Variants in SH3GL2 observed in about 807,000 individuals in gnomAD.
SH3GL2 encodes the protein SH3 domain containing GRB2 like 2, endophilin A1.
Under a neutral mutation model 46.0 loss-of-function variants are expected in SH3GL2, and 24 were observed. The ratio of observed to expected loss-of-function variants is 0.52; its 90% confidence interval spans 0.38 to 0.73. The LOEUF (loss-of-function observed/expected upper bound fraction) is 0.73. Among genes scored for constraint, SH3GL2 ranks in the 30% least tolerant of loss-of-function variants. SH3GL2 has a pLI of 0.00. For synonymous variants in SH3GL2, 196 were observed against 147.1 expected (o/e 1.33, Z -2.40); for missense variants, 413 against 424.2 (o/e 0.97, Z 0.23).
At chr9:17,793,914 G>A (rs1345062729) in intron 8 of SH3GL2, among the ~76,000 whole-genome samples, 1 of 152,202 alleles carries the variant, frequency 6.6e-6, no homozygotes, top group African/African-American at 2.4e-5. Flanking sequence ...ACATGCATTC[G>A]CATATAACCC....
intron 1 of SH3GL2, among the ~76,000 whole-genome samples, chr9:17,622,259 C>G (rs754698609): frequency 6.6e-6 from 1 of 152,132 alleles, no homozygotes; most frequent in Non-Finnish European, 1.5e-5. Context: ...TGCTTCATCC[C>G]GTAATCCCCC....
At chr9:17,776,451 G>A (rs1823642641) in intron 3 of SH3GL2, among the ~76,000 whole-genome samples, 1 of 151,942 alleles carries the variant, frequency 6.6e-6, no homozygotes, top group South Asian at 2.1e-4. Flanking sequence ...AGAATCTCAG[G>A]GGCTTTCCTA....
At chr9:17,585,357 A>G (rs1010991583) in intron 1 of SH3GL2, among the ~76,000 whole-genome samples, 6 of 152,172 alleles carry the variant, frequency 3.9e-5, no homozygotes, top group Non-Finnish European at 7.3e-5. Context: ...GGAGATGCTA[A>G]GTAGGTAAGA....
At chr9:17,600,974 T>C (rs1818658052) in intron 1 of SH3GL2, among the ~76,000 whole-genome samples, 1 of 152,182 alleles carries the variant, frequency 6.6e-6, no homozygotes, top group South Asian at 2.1e-4. Flanking sequence ...TTCTGCAATT[T>C]TTGTTGTTAT....
intron 3 of SH3GL2, among the ~76,000 whole-genome samples, chr9:17,781,794 G>T (rs1000702128): frequency 2.0e-5 from 3 of 151,902 alleles, no homozygotes; most frequent in Non-Finnish European, 4.4e-5. Context: ...CTCCCTTTAC[G>T]GTTCACTCTT....
intron 1 of SH3GL2, among the ~76,000 whole-genome samples, chr9:17,704,637 C>T (rs1387522317): frequency 6.6e-6 from 1 of 152,032 alleles, no homozygotes; most frequent in Non-Finnish European, 1.5e-5. Context: ...ACACACTTAA[C>T]AACCATCTGA....
At chr9:17,597,790 G>A (rs185380417) in intron 1 of SH3GL2, among the ~76,000 whole-genome samples, 11 of 152,164 alleles carry the variant, frequency 7.2e-5, no homozygotes, top group Admixed American at 5.2e-4. Context: ...ACTCTCTTTG[G>A]AGAGTTGCAA....
At chr9:17,752,976 C>A (rs1044523462) in intron 2 of SH3GL2, among the ~76,000 whole-genome samples, 4 of 152,116 alleles carry the variant, frequency 2.6e-5, no homozygotes, top group African/African-American at 9.7e-5. Context: ...TTGTCTCTTC[C>A]TGCATTAGTT....
At chr9:17,590,374 A>G (rs1435136165) in intron 1 of SH3GL2, 1 of 152,182 alleles carries the variant, frequency 6.6e-6, no homozygotes, top group African/African-American at 2.4e-5. Context: ...TTACTGATTA[A>G]TATTAATAGC....
chr9:17,677,635 T>C (rs1820646704), intron 1 of SH3GL2, among the ~76,000 whole-genome samples: 1 of 151,612 alleles, frequency 6.6e-6, no homozygotes, highest in South Asian at 2.1e-4. Context: ...TATATATATA[T>C]ATATATATTT....
rs1418625373 is a variant in SH3GL2, at chr9:17,747,083, T to C, written c.63T>C (p.Val21=). ...HKATQKVSEK[V]GGAEGTKLDD... ...TTCTACAGAAAGTGAGTGAGAAGGT[T>C]GGAGGAGCTGAAGGAACCAAGCTAG... The change falls in exon 2 of 9, where the codon GTT becomes GTC. Residue 21 remains valine, a synonymous_variant. Transcript: ENST00000380607. 1.2e-6 allele frequency: 2 copies of C among 1,607,774 alleles called. No homozygotes were observed.
intron 1 of SH3GL2, among the ~76,000 whole-genome samples, chr9:17,703,209 A>G (rs1345516476): frequency 6.6e-6 from 1 of 152,052 alleles, no homozygotes. Flanking sequence ...TGGGTAGGGA[A>G]TGATTTTAAG....
At chr9:17,624,659 C>T (rs1354386606) in intron 1 of SH3GL2, among the ~76,000 whole-genome samples, 1 of 152,142 alleles carries the variant, frequency 6.6e-6, no homozygotes, top group Non-Finnish European at 1.5e-5. Context: ...GCTCCTGTGT[C>T]CATGTGGCAT....
intron 1 of SH3GL2, among the ~76,000 whole-genome samples, chr9:17,644,064 G>T (rs1206355474): frequency 1.3e-5 from 2 of 152,154 alleles, no homozygotes; most frequent in African/African-American, 2.4e-5. Flanking sequence ...AGTCTTGGGA[G>T]GGTGTATGTG....
chr9:17,689,099 A>G (rs1821001871), intron 1 of SH3GL2, among the ~76,000 whole-genome samples: 1 of 152,040 alleles, frequency 6.6e-6, no homozygotes. Flanking sequence ...CCTTAATATG[A>G]TGTGATGAAA....
chr9:17,758,169 C>T lies in SH3GL2; in HGVS notation c.115-3268C>T, dbSNP rs1355431619. ...AAAGAGCTCCTTTCCCTTCTCTAGG[C>T]CACAGGTGTGGACATTTAATAAATT... is the stretch of plus-strand genomic sequence containing the variant. On this transcript the variant is annotated intron_variant, in intron 2 of 8. Transcript: ENST00000380607. 2.6e-5 allele frequency among the ~76,000 whole-genome samples: 4 copies of T among 152,142 alleles called. No individual in the cohort carries two copies. In the East Asian group the frequency reaches 7.7e-4, roughly 29 times the overall value.
intron 1 of SH3GL2, among the ~76,000 whole-genome samples, chr9:17,667,633 G>GT (rs1270484830): frequency 1.3e-5 from 2 of 152,118 alleles, no homozygotes; most frequent in African/African-American, 4.8e-5. Context: ...TTGTGTGCAC[G>GT]TTTTTGTGGG....
chr9:17,772,739 A>G (rs1390694145), intron 3 of SH3GL2, among the ~76,000 whole-genome samples: 2 of 152,288 alleles, frequency 1.3e-5, no homozygotes, highest in Non-Finnish European at 2.9e-5. Flanking sequence ...ATATAGATTC[A>G]CCTGTTGATA....
intron 1 of SH3GL2, among the ~76,000 whole-genome samples, chr9:17,672,722 C>A (rs577246163): frequency 7.9e-5 from 12 of 152,106 alleles, no homozygotes; most frequent in African/African-American, 2.2e-4. Context: ...TTCATCAGAC[C>A]GTGTAAATAA....
Sources: allele counts gnomAD v4.1 joint callset (sites outside exome capture counted in the v4.1 genomes callset), GRCh38; gene constraint gnomAD v4.1.1; transcripts MANE v1.5; gene names NCBI Gene and HGNC (gene_info 2026-07-23, HGNC 2026-07-21).